The following RYR2 variants were observed in gnomAD, a reference collection of about 807,000 sequenced individuals.
RYR2 encodes the protein cardiac muscle ryanodine receptor-calcium release channel.
In RYR2, 227 loss-of-function variants were observed where a neutral mutation model predicts 601.1. That is an observed-to-expected ratio of 0.38 (90% CI 0.34 to 0.42). RYR2 has a LOEUF of 0.42. Among genes scored for constraint, RYR2 ranks in the 10% least tolerant of loss-of-function variants. RYR2 has a pLI of 1.00. For synonymous variants in RYR2, 2,223 were observed against 2,175.1 expected (o/e 1.02, Z -0.61); for missense variants, 4,646 against 6,156.5 (o/e 0.75, Z 8.21).
chr1:237,248,131 G>T (rs371541157), intron 1 of RYR2, among the ~76,000 whole-genome samples: 6 of 152,082 alleles, frequency 3.9e-5, no homozygotes, highest in East Asian at 3.9e-4. Flanking sequence ...AATGAGCCGG[G>T]TGTGGTGGTG....
At chr1:237,450,573 A>C (rs1167532370) in intron 14 of RYR2, among the ~76,000 whole-genome samples, 1 of 152,170 alleles carries the variant, frequency 6.6e-6, no homozygotes, top group African/African-American at 2.4e-5. Flanking sequence ...AGGGAAGGGA[A>C]ATCCTGCCCT....
intron 3 of RYR2, among the ~76,000 whole-genome samples, chr1:237,354,739 G>A (rs1234089668): frequency 6.6e-6 from 1 of 152,044 alleles, no homozygotes; most frequent in Non-Finnish European, 1.5e-5. Flanking sequence ...AAAATGTATA[G>A]TGAAAATCAG....
intron 1 of RYR2, among the ~76,000 whole-genome samples, chr1:237,084,441 A>G (rs1266366355): frequency 1.3e-5 from 2 of 152,244 alleles, no homozygotes; most frequent in African/African-American, 4.8e-5. Context: ...AAAGCCGAAC[A>G]TGTATAATGA....
At chr1:237,295,310 G>A (rs2149434902) in intron 2 of RYR2, among the ~76,000 whole-genome samples, 1 of 152,208 alleles carries the variant, frequency 6.6e-6, no homozygotes, top group Middle Eastern at 3.4e-3. Context: ...GTCAGAAGGA[G>A]GAAGGATTAC....
rs767083814 is a variant in RYR2, at chr1:237,503,375, C to A, written c.2483C>A (p.Pro828Gln). The A allele has an allele frequency of 6.2e-7, 1 of 1,613,754 alleles. No individual in the cohort carries two copies. The highest frequency in any genetic ancestry group is 1.7e-5 in the Admixed American group (1 of 59,998). The stretch of plus-strand genomic sequence containing the variant: ...GCTCCTTGTTATGAAGCTGTTCTGC[C>A]AAAAGAAAAGTTGAAAGTGGAACAC... ...GYAPCYEAVL[P>Q]KEKLKVEHSR... Residue 828 changes from proline to glutamine, a missense_variant, in exon 22 of 105, where the codon CCA (proline) becomes CAA (glutamine). By Grantham distance (76) the Pro-to-Gln change is moderately conservative. Coordinates refer to ENST00000366574, the MANE Select transcript of RYR2 (RefSeq NM_001035.3).
chr1:237,370,957 G>A (rs772145027), intron 6 of RYR2, among the ~76,000 whole-genome samples: 1 of 152,094 alleles, frequency 6.6e-6, no homozygotes, highest in Non-Finnish European at 1.5e-5. Context: ...ACCGCGCCCG[G>A]CCTCATTCCA....
chr1:237,263,279 G>A (rs1688720246), intron 1 of RYR2, among the ~76,000 whole-genome samples: 1 of 152,158 alleles, frequency 6.6e-6, no homozygotes, highest in Non-Finnish European at 1.5e-5. Flanking sequence ...CAGCATGGCA[G>A]CATGTATTTA....
rs949332819 is a variant in RYR2 at position 237,504,044 on chromosome 1, A to T, written c.2613+539A>T. On this transcript the variant is annotated intron_variant, in intron 22 of 104. Coordinates refer to ENST00000366574, the MANE Select transcript of RYR2 (RefSeq NM_001035.3). ...TTTTAAGTAGTTTTCCCAACCCAAT[A>T]AACTGATTCCCTAATGTACGAACAG... Among the ~76,000 whole-genome samples the T allele has an allele frequency of 7.9e-5, 12 of 152,222 alleles. 1 individual carries two copies. The highest frequency in any genetic ancestry group is 1.5e-4 in the Non-Finnish European group (10 of 68,046).
At chr1:237,596,659 G>T in intron 34 of RYR2, among the ~76,000 whole-genome samples, 1 of 152,104 alleles carries the variant, frequency 6.6e-6, no homozygotes, top group East Asian at 1.9e-4. Context: ...GATCCAGGAA[G>T]CTCAAAGGAT....
At chr1:237,638,950 C>A in intron 45 of RYR2, 65 bp from the exon 46 acceptor site, 1 of 1,537,610 alleles carries the variant, frequency 6.5e-7, no homozygotes, top group Non-Finnish European at 8.9e-7. Flanking sequence ...ATTAGTATAA[C>A]ATTTATTTGT....
Position 237,726,906 on chromosome 1 carries a change from G to A in RYR2, c.10726-181G>A, listed in dbSNP as rs74724096. Among the ~76,000 whole-genome samples, 976 of 152,092 alleles carry A rather than the reference G, an allele frequency of 6.4e-3. 13 individuals are homozygous for A. The highest frequency in any genetic ancestry group is 0.022 in the African/African-American group (927 of 41,508). On this transcript the variant is annotated intron_variant, in intron 75 of 104. Coordinates refer to ENST00000366574, the MANE Select transcript of RYR2 (RefSeq NM_001035.3). ...AAATTTTATCTTTGGGTAACTTTTA[G>A]GATATGGACTTCTTCATGATAATCT...
At chr1:237,702,624 T>C (rs1375742451) in intron 66 of RYR2, among the ~76,000 whole-genome samples, 2 of 152,132 alleles carry the variant, frequency 1.3e-5, no homozygotes, top group Admixed American at 1.3e-4. Flanking sequence ...GATTTAATTA[T>C]GAATAGATAT....
chr1:237,343,373 T>C (rs1389243117), intron 3 of RYR2, among the ~76,000 whole-genome samples: 3 of 152,220 alleles, frequency 2.0e-5, no homozygotes. Context: ...CTGGTGTTAA[T>C]TGCATTTGTT....
intron 1 of RYR2, among the ~76,000 whole-genome samples, chr1:237,073,866 T>TAAAAAA (rs71178385): frequency 8.1e-6 from 1 of 123,274 alleles, no homozygotes; most frequent in East Asian, 2.5e-4. Flanking sequence ...GACTCCATCT[T>TAAAAAA]AAAAAAAAAA....
intron 24 of RYR2, among the ~76,000 whole-genome samples, chr1:237,524,167 T>C (rs1667355764): frequency 6.6e-6 from 1 of 152,162 alleles, no homozygotes; most frequent in South Asian, 2.1e-4. Flanking sequence ...CAAATGTTCA[T>C]CAACTAAGGA....
chr1:237,377,227 G>A (rs1291353319), intron 7 of RYR2, 96 bp from the exon 8 acceptor site: 14 of 794,686 alleles, frequency 1.8e-5, no homozygotes, highest in Non-Finnish European at 2.3e-5. Context: ...ATTAATTCCG[G>A]ATTTCTGAAA....
intron 50 of RYR2, among the ~76,000 whole-genome samples, chr1:237,650,584 A>G (rs1682632487): frequency 6.6e-6 from 1 of 152,230 alleles, no homozygotes; most frequent in African/African-American, 2.4e-5. Flanking sequence ...ACCATTTCCT[A>G]TAAGTAGAAG....
chr1:237,671,685 T>A (rs1354552022), intron 58 of RYR2, among the ~76,000 whole-genome samples: 1 of 152,034 alleles, frequency 6.6e-6, no homozygotes, highest in Non-Finnish European at 1.5e-5. Flanking sequence ...TTTAGGGAAA[T>A]CAGGAGAAAA....
intron 13 of RYR2, among the ~76,000 whole-genome samples, chr1:237,442,949 C>T (rs1289628818): frequency 6.6e-6 from 1 of 152,088 alleles, no homozygotes; most frequent in Admixed American, 6.6e-5. Flanking sequence ...TGTTGGAAAA[C>T]TTTTATGTAT....
Sources: gnomAD v4.1 joint callset for allele counts (sites outside exome capture counted in the v4.1 genomes callset) on GRCh38, gnomAD v4.1.1 for gene constraint, MANE v1.5 for transcripts, NCBI Gene and HGNC (gene_info 2026-07-23, HGNC 2026-07-21) for gene names.